Variants in MYH15 observed in about 807,000 individuals in gnomAD.
MYH15 encodes myosin heavy chain 15.
In MYH15, 227 loss-of-function variants were observed where a neutral mutation model predicts 240.5. The ratio of observed to expected loss-of-function variants is 0.94; its 90% confidence interval spans 0.85 to 1.05. The LOEUF is 1.05. Among genes scored for constraint, MYH15 ranks in the 50% least tolerant of loss-of-function variants. MYH15 has a pLI of 0.00. For missense variants in MYH15, 2,217 were observed against 2,247.5 expected, an observed-to-expected ratio of 0.99 and a Z score of 0.27; for synonymous variants, 785 against 796.7, an observed-to-expected ratio of 0.99 and a Z score of 0.25.
intron 16 of MYH15, among the ~76,000 whole-genome samples, chr3:108,460,717 T>C (rs917673745): frequency 4.6e-5 from 7 of 152,148 alleles, no homozygotes; most frequent in Non-Finnish European, 8.8e-5. Context: ...AAAATGATGA[T>C]GTGGATCCAT....
chr3:108,421,324 T>C (rs575832732), intron 27 of MYH15, 110 bp from the exon 28 acceptor site: 8 of 1,251,060 alleles, frequency 6.4e-6, no homozygotes, highest in South Asian at 5.5e-5. Context: ...CTCTCTTCTG[T>C]AGTAAAGAGC....
At chr3:108,417,848 C>T (rs1339119175) in intron 28 of MYH15, among the ~76,000 whole-genome samples, 5 of 151,814 alleles carry the variant, frequency 3.3e-5, no homozygotes, top group Non-Finnish European at 7.4e-5. Context: ...TAAACACACA[C>T]ATATATACAC....
intron 38 of MYH15, 43 bp from the exon 39 acceptor site, chr3:108,384,825 C>G: frequency 6.5e-7 from 1 of 1,549,294 alleles, no homozygotes; most frequent in Non-Finnish European, 8.9e-7. Flanking sequence ...TCAGAGGATC[C>G]AGCAGTCTAC....
chr3:108,493,792 T>C (rs1168998296), intron 7 of MYH15, among the ~76,000 whole-genome samples: 1 of 152,214 alleles, frequency 6.6e-6, no homozygotes, highest in Non-Finnish European at 1.5e-5. Context: ...CTCCATATCA[T>C]CTAAGCCATG....
At chr3:108,469,983 T>C (rs986242645) in intron 14 of MYH15, 59 bp downstream of exon 14, 43 of 1,533,010 alleles carry the variant, frequency 2.8e-5, no homozygotes, top group East Asian at 4.7e-5. Flanking sequence ...TGGATCAACA[T>C]AGCAGGCAGG....
At chr3:108,498,356 T>A (rs963899099) in intron 5 of MYH15, among the ~76,000 whole-genome samples, 1 of 152,202 alleles carries the variant, frequency 6.6e-6, no homozygotes, top group African/African-American at 2.4e-5. Flanking sequence ...AGCAAAAATC[T>A]GGAGTTAGAA....
intron 25 of MYH15, among the ~76,000 whole-genome samples, chr3:108,431,645 G>T (rs1266437327): frequency 6.6e-6 from 1 of 152,138 alleles, no homozygotes; most frequent in Non-Finnish European, 1.5e-5. Context: ...ATAGAAATTG[G>T]TACCAGTAGA....
chr3:108,521,330 C>T (rs2083616326), intron 1 of MYH15, among the ~76,000 whole-genome samples: 2 of 151,854 alleles, frequency 1.3e-5, no homozygotes, highest in South Asian at 4.2e-4. Flanking sequence ...TTTACAAAAC[C>T]TGAAAATGTC....
At chr3:108,474,215 T>A (rs2083200740) in intron 12 of MYH15, among the ~76,000 whole-genome samples, 1 of 151,588 alleles carries the variant, frequency 6.6e-6, no homozygotes, top group Non-Finnish European at 1.5e-5. Flanking sequence ...ATCAGAAAAA[T>A]TCCTAAGGGA....
At chr3:108,491,246 T>A (rs1306273597) in intron 9 of MYH15, among the ~76,000 whole-genome samples, 2 of 152,162 alleles carry the variant, frequency 1.3e-5, no homozygotes, top group Non-Finnish European at 2.9e-5. Flanking sequence ...TATAAGCTCA[T>A]ATGGGCAGAG....
rs1181405943 is a variant in MYH15 at position 108,384,785 on chromosome 3, G to A, written c.5536-3C>T. ...AGATTCTTCTTGTCTTCCTCTGCCTGCAATACATAGGCATGTATGGGAAGG... is the reference window on the plus strand; with the variant it reads ...AGATTCTTCTTGTCTTCCTCTGCCTACAATACATAGGCATGTATGGGAAGG... On this transcript the variant is annotated splice_polypyrimidine_tract_variant and splice_region_variant and intron_variant, in intron 38 of 40. Transcript: ENST00000693548. 2.5e-6 allele frequency: 4 copies of A among 1,610,908 alleles called. No individual in the cohort carries two copies. The highest frequency in any genetic ancestry group is 3.4e-6 in the Non-Finnish European group (4 of 1,177,590).
chr3:108,380,933 C>T lies in MYH15; in HGVS notation c.*612G>A, dbSNP rs7621032. The T allele has an allele frequency of 0.34, 51,080 of 152,304 alleles. 10,019 individuals are homozygous for T. Among genetic ancestry groups the T allele is most frequent in the Non-Finnish European group, 0.45 (30,728 of 68,158 alleles). 9.4% of individuals were successfully genotyped at this position (152,304 alleles called of 1,614,324 possible). A position where few individuals can be genotyped will look rare whatever the true frequency, so the allele number is the denominator to read the frequency against. ...GCATATTACCTGTCACTGAATGTCT[C>T]GTGTGGGGTTACCTCCATGTTTAAA... On this transcript the variant is annotated 3_prime_UTR_variant, in exon 41 of 41. Transcript: ENST00000693548.
At chr3:108,475,389 ATG>A (rs2083211989) in intron 12 of MYH15, among the ~76,000 whole-genome samples, 1 of 152,124 alleles carries the variant, frequency 6.6e-6, no homozygotes, top group African/African-American at 2.4e-5. Context: ...TATCCATACT[ATG>A]TGTGACACCA....
At position 108,455,727 on chromosome 3, in the gene MYH15, T is replaced by G. The variant is rs1322731011; in HGVS notation, c.2262+9A>C. The G allele has an allele frequency of 2.5e-6, 4 of 1,613,366 alleles. No homozygotes were observed. The highest frequency in any genetic ancestry group is 3.4e-6 in the Non-Finnish European group (4 of 1,179,530). ...TCTCCAAATGCATTCTTTGCAGTTTTCTGGTTACCTTAGTGATTCCAAATC... is the reference window on the plus strand; with the variant it reads ...TCTCCAAATGCATTCTTTGCAGTTTGCTGGTTACCTTAGTGATTCCAAATC... On this transcript the variant is annotated intron_variant, in intron 20 of 40. Transcript: ENST00000693548.
intron 2 of MYH15, among the ~76,000 whole-genome samples, chr3:108,502,585 TA>T (rs972009566): frequency 6.6e-6 from 1 of 152,114 alleles, no homozygotes; most frequent in African/African-American, 2.4e-5. Flanking sequence ...ATATAATAAA[TA>T]ATCAATAAAT....
chr3:108,420,483 C>T (rs1250630093), intron 28 of MYH15, among the ~76,000 whole-genome samples: 2 of 152,166 alleles, frequency 1.3e-5, no homozygotes, highest in African/African-American at 2.4e-5. Flanking sequence ...CCAAGTCTTT[C>T]CAGAATTAAT....
chr3:108,419,136 T>G (rs1173358576), intron 28 of MYH15, among the ~76,000 whole-genome samples: 1 of 152,202 alleles, frequency 6.6e-6, no homozygotes, highest in Non-Finnish European at 1.5e-5. Flanking sequence ...ATATCACATT[T>G]ACTATTGGTT....
Position 108,509,493 on chromosome 3 carries a change from C to T in MYH15, c.88+950G>A, listed in dbSNP as rs76596014. Among the ~76,000 whole-genome samples the T allele has an allele frequency of 4.3e-3, 655 of 152,240 alleles. 7 individuals carry two copies. Among genetic ancestry groups the T allele is most frequent in the African/African-American group, 0.015 (625 of 41,530 alleles). Reference sequence around the variant, plus strand: ...CTAAAATCCAATCACAGTCATGAATCCAATGACTGGAAACTGGGAACTGAT... The same window carrying T: ...CTAAAATCCAATCACAGTCATGAATTCAATGACTGGAAACTGGGAACTGAT... On this transcript the variant is annotated intron_variant, in intron 1 of 40. Transcript: ENST00000693548.
intron 25 of MYH15, among the ~76,000 whole-genome samples, chr3:108,433,185 T>A (rs184705633): frequency 1.3e-5 from 2 of 152,116 alleles, no homozygotes; most frequent in Non-Finnish European, 2.9e-5. Context: ...GACACGGAGA[T>A]CATTTTGGAG....
Sources: gnomAD v4.1 joint callset for allele counts (sites outside exome capture counted in the v4.1 genomes callset) on GRCh38, gnomAD v4.1.1 for gene constraint, MANE v1.5 for transcripts, NCBI Gene and HGNC (gene_info 2026-07-23, HGNC 2026-07-21) for gene names.